COMMD1: variants seen among roughly 807,000 people sequenced by gnomAD.
The protein encoded by COMMD1 is COMM domain-containing protein 1.
In COMMD1, 10 loss-of-function variants were observed where a neutral mutation model predicts 17.2. The ratio of observed to expected loss-of-function variants is 0.58; its 90% CI spans 0.36 to 0.99. COMMD1 has a LOEUF of 0.99. COMMD1 is among the 50% of genes least tolerant of loss of function. The pLI is 0.01. For synonymous variants in COMMD1, 97 were observed against 91.6 expected, an observed-to-expected ratio of 1.06 and a Z score of -0.34; for missense variants, 270 against 231.8, an observed-to-expected ratio of 1.17 and a Z score of -1.07.
At chr2:61,918,645 T>A (rs1184737718) in intron 1 of COMMD1, 3 of 152,242 alleles carry the variant, frequency 2.0e-5, no homozygotes, top group Non-Finnish European at 2.9e-5. Flanking sequence ...AGGAAATGTT[T>A]ATCTTTGATT....
rs142004318 is a variant in COMMD1, at chr2:62,040,480, T to A, written c.462+39498T>A. On this transcript the variant is annotated intron_variant, in intron 2 of 2. Coordinates refer to ENST00000311832, the MANE Select transcript of COMMD1 (RefSeq NM_152516.4). ...AGTATAGTTTCTCTTGAAAACAATT[T>A]ATGTGAAGTGAAACCTACTTGTATT... Among the ~76,000 whole-genome samples the A allele has an allele frequency of 3.9e-5, 6 of 152,306 alleles. No homozygotes were observed. In the South Asian group the frequency reaches 1.2e-3, roughly 32 times the overall value.
chr2:61,915,681 G>T (rs1670028951), intron 1 of COMMD1: 1 of 452,690 alleles, frequency 2.2e-6, no homozygotes, highest in African/African-American at 2.0e-5. Flanking sequence ...TCTTTTTTTA[G>T]AGACAGAATC....
chr2:62,100,113 A>AG (rs967421837), intron 2 of COMMD1: 1 of 151,978 alleles, frequency 6.6e-6, no homozygotes, highest in East Asian at 1.9e-4. Flanking sequence ...AGAGAGAGAG[A>AG]GAAAAAAAAA....
In COMMD1 at chr2:62,002,718, T is replaced by A. The variant is rs771052030; in HGVS notation, c.462+1736T>A. On this transcript the variant is annotated intron_variant, in intron 2 of 2. Transcript: ENST00000311832. ...AACAACAACAACAAATTGCCGGGCA[T>A]GGTGGCGGGCACCTGTAATCCCAGT... Among the ~76,000 whole-genome samples, 5 of 151,458 alleles carry A rather than the reference T, an allele frequency of 3.3e-5. No individual in the cohort carries two copies. In the East Asian group the frequency reaches 7.8e-4, roughly 24 times the overall value.
rs1360869663 is a variant in COMMD1, at chr2:62,000,810, T to G, written c.290T>G (p.Phe97Cys). 4 of 1,613,966 alleles carry G rather than the reference T, an allele frequency of 2.5e-6. No homozygotes were observed. The highest frequency in any genetic ancestry group is 3.4e-6 in the Non-Finnish European group (4 of 1,180,030). ...TSDQAAVISK[F>C]WKSHKTKIRE... ...GACCAAGCTGCTGTCATTTCCAAAT[T>G]CTGGAAGAGCCACAAGACAAAAATC... Residue 97 changes from phenylalanine to cysteine, a missense_variant, in exon 2 of 3, where the codon TTC (phenylalanine) becomes TGC (cysteine). Coordinates refer to ENST00000311832, the MANE Select transcript of COMMD1 (RefSeq NM_152516.4).
rs1553381179 is a variant in COMMD1, at chr2:62,027,659, G to GTTATGTTATGTTATGTTA, written c.462+26678_462+26679insTATGTTATGTTATGTTAT. Among the ~76,000 whole-genome samples, 7 of 43,554 alleles carry GTTATGTTATGTTATGTTA rather than the reference G, an allele frequency of 1.6e-4. No individual in the cohort carries two copies. The East Asian group carries it at 3.8e-3, about 24-fold the overall frequency. 28.6% of individuals were successfully genotyped at this position (43,554 alleles called of 152,430 possible). On this transcript the variant is annotated intron_variant, in intron 2 of 2. Transcript: ENST00000311832. ...ATGTTATGTTATGTTATGTTATGTT[G>GTTATGTTATGTTATGTTA]TGTTATGTTATGTTATGTTATGTTA...
At chr2:62,107,041 C>G (rs1356030140) in intron 2 of COMMD1, among the ~76,000 whole-genome samples, 1 of 152,152 alleles carries the variant, frequency 6.6e-6, no homozygotes, top group Admixed American at 6.5e-5. Context: ...TCTGATCTTT[C>G]TCACCACTTC....
At chr2:62,111,530 A>C (rs1672454838) in intron 2 of COMMD1, among the ~76,000 whole-genome samples, 1 of 152,142 alleles carries the variant, frequency 6.6e-6, no homozygotes, top group African/African-American at 2.4e-5. Flanking sequence ...CCTTCCTCCC[A>C]GATATGGGGC....
At chr2:61,935,122 G>A (rs997045181) in intron 1 of COMMD1, among the ~76,000 whole-genome samples, 2 of 152,160 alleles carry the variant, frequency 1.3e-5, no homozygotes, top group South Asian at 4.2e-4. Flanking sequence ...GACAGGAGAA[G>A]CTAGAGTCTC....
At chr2:61,895,764 G>C (rs1669537382) in intron 1 of COMMD1, among the ~76,000 whole-genome samples, 1 of 152,164 alleles carries the variant, frequency 6.6e-6, no homozygotes. Flanking sequence ...GACTCACCCA[G>C]TGACCTAGCA....
chr2:61,919,152 C>G (rs933598312), intron 1 of COMMD1, among the ~76,000 whole-genome samples: 2 of 152,140 alleles, frequency 1.3e-5, no homozygotes, highest in Non-Finnish European at 1.5e-5. Context: ...GCTGGGATTA[C>G]AGGCATGCGC....
intron 1 of COMMD1, among the ~76,000 whole-genome samples, chr2:61,916,720 T>A (rs1558520407): frequency 6.6e-6 from 1 of 152,154 alleles, no homozygotes; most frequent in Non-Finnish European, 1.5e-5. Flanking sequence ...AGCCACCATG[T>A]CTGACCTGTA....
At chr2:61,947,457 CG>C (rs2103655968) in intron 1 of COMMD1, among the ~76,000 whole-genome samples, 1 of 151,962 alleles carries the variant, frequency 6.6e-6, no homozygotes, top group East Asian at 1.9e-4. Context: ...CTGAGGTGGG[CG>C]GATCGCCTGA....
chr2:61,986,946 T>G (rs1296953469), intron 1 of COMMD1, among the ~76,000 whole-genome samples: 1 of 152,200 alleles, frequency 6.6e-6, no homozygotes, highest in East Asian at 1.9e-4. Context: ...TTCTTTTGCT[T>G]GATCAAGTCT....
intron 2 of COMMD1, among the ~76,000 whole-genome samples, chr2:62,063,865 CAA>C (rs1172309463): frequency 1.3e-4 from 4 of 31,052 alleles, no homozygotes; most frequent in Non-Finnish European, 2.4e-4. Context: ...ACTGTCTCTA[CAA>C]AATATATATA....
At chr2:61,891,495 G>T (rs2105152508) in intron 1 of COMMD1, among the ~76,000 whole-genome samples, 1 of 152,216 alleles carries the variant, frequency 6.6e-6, no homozygotes, top group South Asian at 2.1e-4. Flanking sequence ...CAGCACTTTG[G>T]GAGGCCAAGG....
At chr2:62,046,104 T>TG (rs1323866318) in intron 2 of COMMD1, among the ~76,000 whole-genome samples, 1 of 152,200 alleles carries the variant, frequency 6.6e-6, no homozygotes, top group Non-Finnish European at 1.5e-5. Flanking sequence ...AAGGACAGCT[T>TG]GGAGGTCAGA....
In COMMD1 at chr2:62,117,910, C is replaced by CT. The variant is rs1418537381; in HGVS notation, c.463-17917dup. Among the ~76,000 whole-genome samples the CT allele has an allele frequency of 3.3e-5, 5 of 152,254 alleles. No homozygotes were observed. In the Middle Eastern group the frequency reaches 0.01, roughly 311 times the overall value. Reference sequence around the variant, plus strand: ...CCTGCCCCGCACTCCCCGCCCCCAACTTTTCTATTCTCTCCACTGCTTTCA... The same window carrying CT: ...CCTGCCCCGCACTCCCCGCCCCCAACTTTTTCTATTCTCTCCACTGCTTTCA... On this transcript the variant is annotated intron_variant, in intron 2 of 2. Transcript: ENST00000311832.
intron 1 of COMMD1, among the ~76,000 whole-genome samples, chr2:61,971,033 G>A (rs1215954652): frequency 2.0e-5 from 3 of 152,116 alleles, no homozygotes; most frequent in Admixed American, 6.5e-5. Flanking sequence ...CTCAGCCTCC[G>A]GAGTAGCTGG....
Sources: allele counts gnomAD v4.1 joint callset (sites outside exome capture counted in the v4.1 genomes callset), GRCh38; gene constraint gnomAD v4.1.1; transcripts MANE v1.5; gene names NCBI Gene and HGNC (gene_info 2026-07-23, HGNC 2026-07-21).